The following RRP15 variants were observed in gnomAD, a reference collection of about 807,000 sequenced individuals.
RRP15 encodes the protein ribosomal RNA processing 15 homolog.
Under a neutral mutation model 27.1 loss-of-function variants are expected in RRP15, and 18 were observed. The observed-to-expected ratio is 0.66, with a 90% CI of 0.46 to 0.98. The LOEUF (loss-of-function observed/expected upper bound fraction) is 0.98, where lower values mean the gene tolerates loss of function less well. Among genes scored for constraint, RRP15 ranks in the 50% least tolerant of loss-of-function variants. RRP15 has a pLI of 0.00. For synonymous variants in RRP15, 107 were observed against 109.4 expected (o/e 0.98, Z 0.14); for missense variants, 359 against 337.8 (o/e 1.06, Z -0.49).
At position 218,285,469 on chromosome 1, in the gene RRP15, G is replaced by T. The variant is rs1029116654; in HGVS notation, c.139+14G>T. 1 of 1,613,712 alleles carries T rather than the reference G, an allele frequency of 6.2e-7. No homozygotes were observed. The highest frequency in any genetic ancestry group is 1.1e-5 in the South Asian group (1 of 91,064). ...CTGATAGTGAAGGTAATGTGGTAGG[G>T]CTGAGCTTTGGTGTCTGGGAGGAAA... On this transcript the variant is annotated intron_variant, in intron 1 of 4. Transcript: ENST00000366932.
At chr1:218,315,327 G>A (rs1271200737) in intron 4 of RRP15, among the ~76,000 whole-genome samples, 3 of 152,106 alleles carry the variant, frequency 2.0e-5, no homozygotes. Flanking sequence ...CATTTCTTCT[G>A]GTTCTTAGAT....
intron 4 of RRP15, among the ~76,000 whole-genome samples, chr1:218,315,155 A>G (rs1231240485): frequency 2.0e-5 from 3 of 152,110 alleles, no homozygotes; most frequent in Non-Finnish European, 4.4e-5. Context: ...GAGGTAAGGT[A>G]GGGTACTCCT....
chr1:218,289,079 G>T (rs1278079262), intron 1 of RRP15, among the ~76,000 whole-genome samples: 1 of 152,046 alleles, frequency 6.6e-6, no homozygotes, highest in African/African-American at 2.4e-5. Flanking sequence ...TTTATATATG[G>T]TAAGCATTTA....
chr1:218,298,614 G>T (rs1250219228), intron 1 of RRP15, among the ~76,000 whole-genome samples: 1 of 152,164 alleles, frequency 6.6e-6, no homozygotes, highest in Non-Finnish European at 1.5e-5. Context: ...CTGGAGGTTT[G>T]GGGGAAAAGG....
chr1:218,292,042 C>T (rs889377811), intron 1 of RRP15, among the ~76,000 whole-genome samples: 1 of 152,010 alleles, frequency 6.6e-6, no homozygotes, highest in African/African-American at 2.4e-5. Context: ...CACTCTGTTG[C>T]CCAGGCTGTT....
At position 218,285,352 on chromosome 1, in the gene RRP15, G is replaced by A. The variant is rs1014600948; in HGVS notation, c.36G>A (p.Glu12=). ...AAAAPDSRVS[E]EENLKKTPKK... ...CCGCTCCGGACTCACGTGTGAGTGA[G>A]GAAGAAAACCTGAAAAAGACCCCAA... The change falls in exon 1 of 5, where the codon GAG becomes GAA. Residue 12 remains glutamate (E), a synonymous_variant. Coordinates refer to ENST00000366932, the MANE Select transcript of RRP15 (RefSeq NM_016052.4). The A allele has an allele frequency of 1.2e-6, 2 of 1,614,038 alleles. No individual in the cohort carries two copies. Among genetic ancestry groups the A allele is most frequent in the South Asian group, 1.1e-5 (1 of 91,090 alleles).
intron 1 of RRP15, among the ~76,000 whole-genome samples, chr1:218,292,332 T>G (rs1471540809): frequency 6.6e-6 from 1 of 152,202 alleles, no homozygotes; most frequent in Admixed American, 6.5e-5. Flanking sequence ...GAGAGGCACA[T>G]TGCATCCTTG....
At chr1:218,293,346 G>A (rs1412639218) in intron 1 of RRP15, among the ~76,000 whole-genome samples, 1 of 152,194 alleles carries the variant, frequency 6.6e-6, no homozygotes, top group Admixed American at 6.5e-5. Flanking sequence ...ACCCATGGAG[G>A]TGGATTTTCT....
At chr1:218,322,950 G>T (rs936403432) in intron 4 of RRP15, among the ~76,000 whole-genome samples, 5 of 152,214 alleles carry the variant, frequency 3.3e-5, no homozygotes. Flanking sequence ...GCCAGCTGCG[G>T]CAGGGTCCAT....
intron 4 of RRP15, among the ~76,000 whole-genome samples, chr1:218,308,945 G>T (rs541317621): frequency 7.2e-5 from 11 of 152,110 alleles, no homozygotes; most frequent in South Asian, 2.1e-4. Flanking sequence ...AAGAGACTTA[G>T]TTTTTTTTCT....
At chr1:218,297,713 C>T (rs992593708) in intron 1 of RRP15, among the ~76,000 whole-genome samples, 1 of 152,132 alleles carries the variant, frequency 6.6e-6, no homozygotes, top group Non-Finnish European at 1.5e-5. Context: ...AGGCTTACCA[C>T]TTTCAGGTGG....
At position 218,302,253 on chromosome 1, in the gene RRP15, G is replaced by A. The variant is rs1483703833; in HGVS notation, c.140-41G>A. 5 of 1,533,314 alleles carry A rather than the reference G, an allele frequency of 3.3e-6. No individual in the cohort carries two copies. In the South Asian group the frequency reaches 5.8e-5, roughly 18 times the overall value. 95.0% of individuals were successfully genotyped at this position (1,533,314 alleles called of 1,614,324 possible). On this transcript the variant is annotated intron_variant, in intron 1 of 4. Coordinates refer to ENST00000366932, the MANE Select transcript of RRP15 (RefSeq NM_016052.4). ...GGGGGCCTTGGCAGCCTCTGCCTAG[G>A]ATATTAAAGTTTAATTTGCCTTTAC...
rs1344335580 is a variant in RRP15 at position 218,285,308 on chromosome 1, C to A, written c.-9C>A. On this transcript the variant is annotated 5_prime_UTR_variant, in exon 1 of 5. Coordinates refer to ENST00000366932, the MANE Select transcript of RRP15 (RefSeq NM_016052.4). ...CGCAACTGTCAGGTGACGCTTCCGG[C>A]GCAGAAAAATGGCAGCCGCCGCTCC... 1.2e-6 allele frequency: 2 copies of A among 1,612,918 alleles called. No individual in the cohort carries two copies. Among genetic ancestry groups the A allele is most frequent in the Non-Finnish European group, 1.7e-6 (2 of 1,179,624 alleles).
At position 218,333,252 on chromosome 1, in the gene RRP15, C is replaced by G. The variant is rs1335773218; in HGVS notation, c.*2161C>G. On this transcript the variant is annotated 3_prime_UTR_variant, in exon 5 of 5. Coordinates refer to ENST00000366932, the MANE Select transcript of RRP15 (RefSeq NM_016052.4). Reference sequence around the variant, plus strand: ...ATATAAATTATATGACAATTTTTATCATATAGATTTGATATCTTCTATGTA... The same window carrying G: ...ATATAAATTATATGACAATTTTTATGATATAGATTTGATATCTTCTATGTA... The G allele has an allele frequency of 6.6e-6, 1 of 151,934 alleles. No homozygotes were observed. The highest frequency in any genetic ancestry group is 1.5e-5 in the Non-Finnish European group (1 of 67,982). 9.4% of individuals were successfully genotyped at this position (151,934 alleles called of 1,614,324 possible).
chr1:218,322,662 CA>C (rs1197991972), intron 4 of RRP15, among the ~76,000 whole-genome samples: 1 of 152,108 alleles, frequency 6.6e-6, no homozygotes, highest in Non-Finnish European at 1.5e-5. Flanking sequence ...GCTCCTATCT[CA>C]GGGGCAACTA....
At chr1:218,317,643 A>T (rs1309210740) in intron 4 of RRP15, among the ~76,000 whole-genome samples, 1 of 151,928 alleles carries the variant, frequency 6.6e-6, no homozygotes, top group Non-Finnish European at 1.5e-5. Flanking sequence ...AGGAATTAAA[A>T]TTTACTAGAA....
chr1:218,325,327 C>G (rs767276303), intron 4 of RRP15, among the ~76,000 whole-genome samples: 11 of 152,172 alleles, frequency 7.2e-5, no homozygotes, highest in Non-Finnish European at 4.4e-5. Context: ...CCTATTTTCT[C>G]TATCCCATGT....
chr1:218,294,094 G>T (rs1180503965), intron 1 of RRP15, among the ~76,000 whole-genome samples: 7 of 152,090 alleles, frequency 4.6e-5, no homozygotes, highest in African/African-American at 9.7e-5. Flanking sequence ...ACGAATTAGA[G>T]ATATACAGCC....
At chr1:218,321,828 CT>C (rs1010886479) in intron 4 of RRP15, among the ~76,000 whole-genome samples, 14 of 148,840 alleles carry the variant, frequency 9.4e-5, no homozygotes, top group African/African-American at 2.0e-4. Flanking sequence ...TTGCCTCAGG[CT>C]TTTTTTTTTC....
Sources: allele counts gnomAD v4.1 joint callset (sites outside exome capture counted in the v4.1 genomes callset), GRCh38; gene constraint gnomAD v4.1.1; transcripts MANE v1.5; gene names NCBI Gene and HGNC (gene_info 2026-07-23, HGNC 2026-07-21).